BICRAL: variants seen among roughly 807,000 people sequenced by gnomAD.
The protein encoded by BICRAL is BRD4-interacting chromatin-remodeling complex-associated protein-like.
Under a neutral mutation model 91.8 loss-of-function variants are expected in BICRAL, and 8 were observed. That is an observed-to-expected ratio of 0.09 (90% CI 0.05 to 0.16). BICRAL has a LOEUF of 0.16. Ranked by LOEUF, BICRAL falls within the 10% of genes least tolerant of loss-of-function variation. BICRAL has a pLI of 1.00. For synonymous variants in BICRAL, 445 were observed against 491.1 expected (o/e 0.91, Z 1.24); for missense variants, 1,038 against 1,310.9 (o/e 0.79, Z 3.21).
rs758451407 is a variant in BICRAL, at chr6:42,822,843, C to G, written c.89C>G (p.Ser30Cys). Residue 30 changes from serine (S) to cysteine (C), a missense_variant and splice_region_variant, in exon 4 of 13, where the codon TCT becomes TGT. Around this residue, in one of 5 missense-constraint regions of BICRAL, gnomAD observed 115 missense variants for 121.5 expected, o/e 0.95. Transcript: ENST00000314073. The part of the protein sequence containing the change: ...NYFLHGPSNK[S>C]SNDDLTNAGY... Reference sequence around the variant, plus strand: ...TTTCTACATGGACCTAGTAATAAATCTGTAAGTAATGCATAGAATACCACA... The same window carrying G: ...TTTCTACATGGACCTAGTAATAAATGTGTAAGTAATGCATAGAATACCACA... The G allele has an allele frequency of 2.6e-6, 4 of 1,559,714 alleles. No individual in the cohort carries two copies. Among genetic ancestry groups the G allele is most frequent in the Non-Finnish European group, 3.5e-6 (4 of 1,131,074 alleles).
At chr6:42,753,226 C>T (rs1437195902) in intron 1 of BICRAL, among the ~76,000 whole-genome samples, 1 of 152,022 alleles carries the variant, frequency 6.6e-6, no homozygotes, top group East Asian at 1.9e-4. Flanking sequence ...CATGCCTGGC[C>T]TGATTTTTAA....
rs185058949 is a variant in BICRAL, at chr6:42,842,223, C to T, written c.1840-9869C>T. ...TAGGCATCAGCATTTTTCAAAAGCTCCCCAAGTGATTTTAAAGTGCAGCCA... is the reference window on the plus strand; with the variant it reads ...TAGGCATCAGCATTTTTCAAAAGCTTCCCAAGTGATTTTAAAGTGCAGCCA... On this transcript the variant is annotated intron_variant, in intron 6 of 12. Coordinates refer to ENST00000314073, the MANE Select transcript of BICRAL (RefSeq NM_001393499.1). 5.9e-4 allele frequency among the ~76,000 whole-genome samples: 90 copies of T among 152,240 alleles called. 1 individual carries two copies. The highest frequency in any genetic ancestry group is 1.1e-3 in the Non-Finnish European group (76 of 68,018).
At chr6:42,857,637 T>TA (rs1554283197) in intron 10 of BICRAL, among the ~76,000 whole-genome samples, 2,061 of 94,084 alleles carry the variant, frequency 0.022, 68 homozygotes, top group African/African-American at 0.03. Context: ...ATATATATAT[T>TA]TTTTAGGAGG....
At chr6:42,831,073 C>T (rs1401010791) in intron 6 of BICRAL, among the ~76,000 whole-genome samples, 1 of 152,128 alleles carries the variant, frequency 6.6e-6, no homozygotes, top group East Asian at 1.9e-4. Flanking sequence ...ACTGCCATCC[C>T]ATGGAGTTAT....
At chr6:42,822,771 T>C (rs762519199) in intron 3 of BICRAL, 25 bp from the exon 4 acceptor site, 7 of 1,358,202 alleles carry the variant, frequency 5.2e-6, no homozygotes, top group Middle Eastern at 2.5e-4. Flanking sequence ...TGTTGTTTTA[T>C]CTCTTTTTTT....
intron 2 of BICRAL, among the ~76,000 whole-genome samples, chr6:42,811,017 C>G (rs1763829085): frequency 6.6e-6 from 1 of 152,132 alleles, no homozygotes; most frequent in Admixed American, 6.6e-5. Context: ...CTCATATAAC[C>G]CCTTCAAGAG....
At chr6:42,752,941 G>C (rs929549767) in intron 1 of BICRAL, among the ~76,000 whole-genome samples, 7 of 128,866 alleles carry the variant, frequency 5.4e-5, no homozygotes, top group South Asian at 2.4e-4. Context: ...TTTTTGGTTG[G>C]GGGGGTACGG....
rs115028518 is a variant in BICRAL, at chr6:42,762,625, T to G, written c.-261+15602T>G. ...TTTTTTACACCCCATAATCCCAGTT[T>G]ATGGCATCATGCCTGGCATGTGAGG... is the stretch of plus-strand genomic sequence containing the variant. On this transcript the variant is annotated intron_variant, in intron 1 of 14. Transcript: ENST00000614467. Among the ~76,000 whole-genome samples, 777 of 152,324 alleles carry G rather than the reference T, an allele frequency of 5.1e-3. 2 individuals are homozygous for G. Among genetic ancestry groups the G allele is most frequent in the African/African-American group, 0.017 (721 of 41,558 alleles).
intron 6 of BICRAL, among the ~76,000 whole-genome samples, chr6:42,846,819 A>G (rs1765024646): frequency 6.6e-6 from 1 of 152,236 alleles, no homozygotes; most frequent in South Asian, 2.1e-4. Flanking sequence ...TTTAGCTCTT[A>G]TCTGCCCTCT....
chr6:42,834,937 G>A (rs1764596273), intron 6 of BICRAL, among the ~76,000 whole-genome samples: 2 of 152,010 alleles, frequency 1.3e-5, no homozygotes, highest in Non-Finnish European at 2.9e-5. Flanking sequence ...TTGCTACTAA[G>A]GTCATTTCAG....
chr6:42,863,049 C>CTTTTTT (rs34653827), intron 12 of BICRAL, among the ~76,000 whole-genome samples: 1 of 130,696 alleles, frequency 7.7e-6, no homozygotes. Context: ...ATGGACATTT[C>CTTTTTT]TTTTTTTTTT....
rs1045179958 is a variant in BICRAL at position 42,815,066 on chromosome 6, C to T, written c.-6+4665C>T. Among the ~76,000 whole-genome samples, 9 of 151,198 alleles carry T rather than the reference C, an allele frequency of 6.0e-5. 1 individual carries two copies. The highest frequency in any genetic ancestry group is 2.0e-4 in the East Asian group (1 of 5,110). The stretch of plus-strand genomic sequence containing the variant: ...CTGGGATTACAGGCACGCACCACCA[C>T]GCCTGGCTCATTTTTTTTGTATTTT... On this transcript the variant is annotated intron_variant, in intron 2 of 12. Transcript: ENST00000314073.
intron 1 of BICRAL, among the ~76,000 whole-genome samples, chr6:42,807,872 C>A (rs1161483405): frequency 6.6e-6 from 1 of 151,434 alleles, no homozygotes; most frequent in East Asian, 1.9e-4. Context: ...ATTTATAATT[C>A]ATCAGGAATT....
chr6:42,821,726 T>G (rs1764141665), intron 2 of BICRAL, among the ~76,000 whole-genome samples: 1 of 152,230 alleles, frequency 6.6e-6, no homozygotes, highest in South Asian at 2.1e-4. Context: ...TTATAGCCCC[T>G]TGGGGGAATC....
In BICRAL at chr6:42,785,206, A is replaced by G. The variant is rs139623004; in HGVS notation, c.-102+3105A>G. ...TCTCATTCTATTGAGAAGTTATACAACATACAGGCTTCTAGGTCTAGCCAG... is the reference window on the plus strand; with the variant it reads ...TCTCATTCTATTGAGAAGTTATACAGCATACAGGCTTCTAGGTCTAGCCAG... On this transcript the variant is annotated intron_variant, in intron 1 of 12. Coordinates refer to ENST00000314073, the MANE Select transcript of BICRAL (RefSeq NM_001393499.1). Among the ~76,000 whole-genome samples the G allele has an allele frequency of 4.6e-5, 7 of 152,288 alleles. No homozygotes were observed. In the East Asian group the frequency reaches 1.2e-3, roughly 25 times the overall value.
At chr6:42,849,570 G>C (rs570206681) in intron 6 of BICRAL, among the ~76,000 whole-genome samples, 1 of 151,532 alleles carries the variant, frequency 6.6e-6, no homozygotes, top group Non-Finnish European at 1.5e-5. Flanking sequence ...TTCTCAAGTA[G>C]CTGGGGCTAT....
chr6:42,811,721 T>C (rs1019630398), intron 2 of BICRAL, among the ~76,000 whole-genome samples: 7 of 152,158 alleles, frequency 4.6e-5, no homozygotes, highest in Non-Finnish European at 1.0e-4. Context: ...TACAGAGTCT[T>C]TCTCAAGTTT....
In BICRAL at chr6:42,846,587, C is replaced by G. The variant is rs77138402; in HGVS notation, c.1840-5505C>G. On this transcript the variant is annotated intron_variant, in intron 6 of 12. Transcript: ENST00000314073. ...TTCTCCAGAGAGTCTGATTAGGCCA[C>G]TTGTGGTTGAGTAAACCATGACTGG... Among the ~76,000 whole-genome samples, 936 of 152,202 alleles carry G rather than the reference C, an allele frequency of 6.1e-3. 50 individuals carry two copies. In the East Asian group the frequency reaches 0.12, roughly 20 times the overall value.
At chr6:42,787,536 GA>G (rs35516791) in intron 1 of BICRAL, among the ~76,000 whole-genome samples, 8 of 146,340 alleles carry the variant, frequency 5.5e-5, no homozygotes, top group Non-Finnish European at 7.6e-5. Context: ...TCTGTGTGGG[GA>G]AAAAAAAAAG....
Sources: allele counts gnomAD v4.1 joint callset (sites outside exome capture counted in the v4.1 genomes callset), GRCh38; gene constraint gnomAD v4.1.1; regional missense constraint gnomAD v4.1.1; transcripts MANE v1.5; gene names NCBI Gene and HGNC (gene_info 2026-07-23, HGNC 2026-07-21).